AGFG1: variants seen among roughly 807,000 people sequenced by gnomAD.
AGFG1 encodes arf-GAP domain and FG repeat-containing protein 1.
AGFG1 carries 10 observed loss-of-function variants against 60.6 expected under a neutral mutation model. That is an observed-to-expected ratio of 0.16 (90% CI 0.10 to 0.28). The LOEUF is 0.28. Ranked by LOEUF, AGFG1 falls within the 10% of genes least tolerant of loss-of-function variation. The pLI is 1.00. For synonymous variants in AGFG1, 247 were observed against 242.9 expected (o/e 1.02, Z -0.16); for missense variants, 537 against 676.5 (o/e 0.79, Z 2.29).
Position 227,502,463 on chromosome 2 carries a change from A to AG in AGFG1, c.261+10824dup, listed in dbSNP as rs1468706979. On this transcript the variant is annotated intron_variant, in intron 2 of 12. Transcript: ENST00000310078. ...AGCCTCCCGAGTAGCTAGGACCACA[A>AG]GCGCACACCACCAGTCCCAGCTAAT... 2.9e-4 allele frequency among the ~76,000 whole-genome samples: 44 copies of AG among 152,006 alleles called. 1 individual carries two copies. The highest frequency in any genetic ancestry group is 2.9e-3 in the Admixed American group (44 of 15,258).
intron 1 of AGFG1, among the ~76,000 whole-genome samples, chr2:227,485,574 T>G (rs147804499): frequency 6.6e-6 from 1 of 152,248 alleles, no homozygotes; most frequent in African/African-American, 2.4e-5. Context: ...ATCCAGATTT[T>G]GATGAGCTGT....
At chr2:227,551,896 A>C (rs949114226) in intron 10 of AGFG1, 63 bp from the exon 11 acceptor site, 5 of 1,547,092 alleles carry the variant, frequency 3.2e-6, no homozygotes, top group Non-Finnish European at 4.4e-6. Flanking sequence ...TTACATTTAC[A>C]ATGTTGTGAG....
chr2:227,548,733 C>T (rs1358390359), intron 10 of AGFG1, among the ~76,000 whole-genome samples: 3 of 152,052 alleles, frequency 2.0e-5, no homozygotes, highest in Non-Finnish European at 4.4e-5. Context: ...GTCAGGAGAT[C>T]GAGACCATCC....
At position 227,554,562 on chromosome 2, in the gene AGFG1, C is replaced by T; in HGVS notation, c.*67C>T. 1.5e-6 allele frequency: 2 copies of T among 1,322,926 alleles called. No homozygotes were observed. The highest frequency in any genetic ancestry group is 2.1e-6 in the Non-Finnish European group (2 of 931,868). The allele number at this position is 1,322,926 out of a possible 1,614,324, so 81.9% of individuals were successfully genotyped here. A position where few individuals can be genotyped will look rare whatever the true frequency, so the allele number is the denominator to read the frequency against. ...ACATTACATCTCTCCACCTCTTGCA[C>T]TGTTGTCTTGTTTCACTGATCTTAG... On this transcript the variant is annotated 3_prime_UTR_variant, in exon 13 of 13. Coordinates refer to ENST00000310078, the MANE Select transcript of AGFG1 (RefSeq NM_004504.5).
At chr2:227,503,068 A>G (rs1445390885) in intron 2 of AGFG1, among the ~76,000 whole-genome samples, 1 of 151,940 alleles carries the variant, frequency 6.6e-6, no homozygotes, top group Non-Finnish European at 1.5e-5. Context: ...CCCTGTCTCT[A>G]CAAAAAATAC....
chr2:227,536,682 A>G lies in AGFG1; in HGVS notation c.1263A>G (p.Ser421=). The change falls in exon 9 of 13, where the codon TCA becomes TCG. Residue 421 remains serine (S), a synonymous_variant. Transcript: ENST00000310078. ...VASAQTQPAS[S]SVPAPFGATP... is the part of the protein sequence containing the mutation. The stretch of plus-strand genomic sequence containing the variant: ...CTGCACAGACACAGCCTGCTTCATC[A>G]AGTGTGCCTGCTCCATTTGGAGGTA... 6.2e-7 allele frequency: 1 copy of G among 1,613,852 alleles called. No homozygotes were observed. Among genetic ancestry groups the G allele is most frequent in the Non-Finnish European group, 8.5e-7 (1 of 1,179,862 alleles).
rs1184586549 is a variant in AGFG1 at position 227,520,116 on chromosome 2, TA to T, written c.377+54del. 16 of 1,089,946 alleles carry T rather than the reference TA, an allele frequency of 1.5e-5. No homozygotes were observed. The East Asian group carries it at 4.1e-4, about 28-fold the overall frequency. The allele number at this position is 1,089,946 out of a possible 1,614,324, so 67.5% of individuals were successfully genotyped here. On this transcript the variant is annotated intron_variant, in intron 3 of 12. Coordinates refer to ENST00000310078, the MANE Select transcript of AGFG1 (RefSeq NM_004504.5). ...AAGCCTCCCCAAATCACATATTAAC[TA>T]TGGGTAAGGTTAGTCTGACACAATG...
At chr2:227,493,724 T>C (rs147105757) in intron 2 of AGFG1, among the ~76,000 whole-genome samples, 2 of 152,328 alleles carry the variant, frequency 1.3e-5, no homozygotes, top group East Asian at 1.9e-4. Flanking sequence ...GATGTGGTTA[T>C]AGATGTGTTA....
intron 2 of AGFG1, among the ~76,000 whole-genome samples, chr2:227,506,218 C>T (rs765370264): frequency 2.3e-4 from 35 of 152,026 alleles, no homozygotes; most frequent in Non-Finnish European, 4.7e-4. Flanking sequence ...CCTTCATAAA[C>T]TATTGGTTTT....
rs1693035592 is a variant in AGFG1, at chr2:227,558,319, T to G, written c.*3824T>G. 1 of 152,152 alleles carries G rather than the reference T, an allele frequency of 6.6e-6. No individual in the cohort carries two copies. Among genetic ancestry groups the G allele is most frequent in the African/African-American group, 2.4e-5 (1 of 41,448 alleles). The allele number at this position is 152,152 out of a possible 1,614,324, so 9.4% of individuals were successfully genotyped here. A position where few individuals can be genotyped will look rare whatever the true frequency, so the allele number is the denominator to read the frequency against. ...AATTCTGAACAAGTTAACGTTCTTG[T>G]CTTGTATATCTAAAAAAACTTTAAT... On this transcript the variant is annotated 3_prime_UTR_variant, in exon 13 of 13. Coordinates refer to ENST00000310078, the MANE Select transcript of AGFG1 (RefSeq NM_004504.5).
intron 6 of AGFG1, 23 bp from the exon 7 acceptor site, chr2:227,533,526 G>A (rs1692221365): frequency 6.2e-7 from 1 of 1,606,258 alleles, no homozygotes; most frequent in South Asian, 1.1e-5. Flanking sequence ...GAAATTTCAA[G>A]TGCTCTGTTT....
chr2:227,530,924 T>C (rs1203316667), intron 5 of AGFG1, among the ~76,000 whole-genome samples, 167 bp from the exon 6 acceptor site: 1 of 152,210 alleles, frequency 6.6e-6, no homozygotes, highest in African/African-American at 2.4e-5. Context: ...TTACCTGTAA[T>C]TGGGTTACAT....
intron 11 of AGFG1, among the ~76,000 whole-genome samples, chr2:227,552,634 T>C (rs1351061393): frequency 6.6e-6 from 1 of 152,064 alleles, no homozygotes; most frequent in East Asian, 1.9e-4. Flanking sequence ...TGCATAGATT[T>C]GAAGATTCTT....
At chr2:227,552,354 G>A (rs1327327602) in intron 11 of AGFG1, among the ~76,000 whole-genome samples, 2 of 152,116 alleles carry the variant, frequency 1.3e-5, no homozygotes, top group South Asian at 4.1e-4. Flanking sequence ...AGAGCATCCC[G>A]TCATTCTCAG....
chr2:227,524,179 A>G (rs1166948034), intron 4 of AGFG1, among the ~76,000 whole-genome samples: 2 of 152,248 alleles, frequency 1.3e-5, no homozygotes, highest in African/African-American at 4.8e-5. Context: ...GAATGTTGCT[A>G]TAGCTATATA....
At chr2:227,520,147 A>G in intron 3 of AGFG1, 84 bp downstream of exon 3, 1 of 805,102 alleles carries the variant, frequency 1.2e-6, no homozygotes, top group Non-Finnish European at 2.0e-6. Flanking sequence ...ACAATGAAGG[A>G]TAAAAGACAG....
chr2:227,473,024 T>C (rs1235309658), intron 1 of AGFG1, among the ~76,000 whole-genome samples: 1 of 144,468 alleles, frequency 6.9e-6, no homozygotes, highest in Non-Finnish European at 1.5e-5. Flanking sequence ...GTGCCCCGCC[T>C]CTCAGCGGCC....
At position 227,555,110 on chromosome 2, in the gene AGFG1, A is replaced by G. The variant is rs1172615447; in HGVS notation, c.*615A>G. 6.6e-6 allele frequency: 1 copy of G among 152,610 alleles called. No individual in the cohort carries two copies. Among genetic ancestry groups the G allele is most frequent in the Non-Finnish European group, 1.5e-5 (1 of 68,010 alleles). 9.5% of individuals were successfully genotyped at this position (152,610 alleles called of 1,614,324 possible). A position where few individuals can be genotyped will look rare whatever the true frequency, so the allele number is the denominator to read the frequency against. On this transcript the variant is annotated 3_prime_UTR_variant, in exon 13 of 13. Coordinates refer to ENST00000310078, the MANE Select transcript of AGFG1 (RefSeq NM_004504.5). ...ACAGTTTGCAGGTGAAAAAAAATAA[A>G]TATTATAAAATATGCTATTGTTTTT...
intron 3 of AGFG1, among the ~76,000 whole-genome samples, chr2:227,521,806 A>G (rs1691833802): frequency 6.6e-6 from 1 of 151,872 alleles, no homozygotes; most frequent in African/African-American, 2.4e-5. Flanking sequence ...GTAATGTATT[A>G]TTCATTCAAA....
Sources: allele counts gnomAD v4.1 joint callset (sites outside exome capture counted in the v4.1 genomes callset), GRCh38; gene constraint gnomAD v4.1.1; transcripts MANE v1.5; gene names NCBI Gene and HGNC (gene_info 2026-07-23, HGNC 2026-07-21).